Variants in OR1F1 observed in about 807,000 individuals in gnomAD.
OR1F1 encodes the protein olfactory receptor 1F1.
For missense variants in OR1F1, 493 were observed against 376.3 expected (o/e 1.31, Z -2.57); for synonymous variants, 184 against 156.7 (o/e 1.17, Z -1.30).
chr16:3,199,737 G>T (rs1461668996), upstream of OR1F1, among the ~76,000 whole-genome samples: 4 of 152,114 alleles, frequency 2.6e-5, no homozygotes, highest in African/African-American at 4.8e-5. Context: ...GTTATGGCTG[G>T]TTGCAGTGGC....
At chr16:3,204,524 C>T (rs1419706528) in exon 1 of OR1F1, 2 of 1,614,198 alleles carry the variant, frequency 1.2e-6, no homozygotes, top group East Asian at 2.2e-5. Context: ...CAGACCATCT[C>T]CTTCTGTGGC....
chr16:3,190,300 AC>A, the OR1F1 span, among the ~76,000 whole-genome samples: 1 of 152,046 alleles, frequency 6.6e-6, no homozygotes, highest in Non-Finnish European at 1.5e-5. Context: ...GAACCCGGGT[AC>A]CCCGTCCTGA....
At chr16:3,203,020 G>C (rs774554529), upstream of OR1F1, among the ~76,000 whole-genome samples, 3 of 152,154 alleles carry the variant, frequency 2.0e-5, no homozygotes, top group African/African-American at 7.2e-5. Context: ...CATCCCAGCT[G>C]GGTGGGGGAT....
rs1958181186 is a variant in OR1F1 at position 3,204,687 on chromosome 16, A to G, written c.441A>G (p.Gly147=). ...AGCTCTGTGCCCTGCTGGTTGCTGGATTATGGGTGGTTGCCAACCTGAATG... is the reference window on the plus strand; with the variant it reads ...AGCTCTGTGCCCTGCTGGTTGCTGGGTTATGGGTGGTTGCCAACCTGAATG... The change falls in exon 1 of 1, where the codon GGA becomes GGG. Residue 147 remains glycine (G), a synonymous_variant. Coordinates refer to ENST00000304646, the Ensembl canonical transcript of OR1F1. The G allele has an allele frequency of 1.9e-6, 3 of 1,613,984 alleles. No individual in the cohort carries two copies. The South Asian group carries it at 3.3e-5, about 18-fold the overall frequency.
the OR1F1 span, among the ~76,000 whole-genome samples, chr16:3,192,791 G>A: frequency 6.6e-6 from 1 of 150,646 alleles, no homozygotes; most frequent in African/African-American, 2.5e-5. Flanking sequence ...TCGGCCCTGG[G>A]GTGCGGCCCG....
At chr16:3,205,061 C>T (rs763951915) in exon 1 of OR1F1, 8 of 1,614,024 alleles carry the variant, frequency 5.0e-6, no homozygotes, top group South Asian at 4.4e-5. Context: ...GAGAAAGACA[C>T]TATGGCTACT....
the OR1F1 span, among the ~76,000 whole-genome samples, chr16:3,192,850 C>G: frequency 6.6e-6 from 1 of 152,186 alleles, no homozygotes; most frequent in South Asian, 2.1e-4. Flanking sequence ...GAGCTTTTGG[C>G]GGTCCGGTGG....
chr16:3,204,157 T>C, upstream of OR1F1: 9 of 913,194 alleles, frequency 9.9e-6, no homozygotes, highest in Non-Finnish European at 1.5e-5. Flanking sequence ...AAAATTCTAC[T>C]GCCATTCCTG....
chr16:3,204,955 G>C (rs371937248), exon 1 of OR1F1: 13 of 1,613,900 alleles, frequency 8.1e-6, no homozygotes, highest in Non-Finnish European at 1.1e-5. Flanking sequence ...AAGGTGGAAA[G>C]CCTTCTCCAC....
the OR1F1 span, among the ~76,000 whole-genome samples, chr16:3,189,354 C>G: frequency 6.6e-6 from 1 of 152,200 alleles, no homozygotes; most frequent in Non-Finnish European, 1.5e-5. Context: ...CACTGCGCGC[C>G]TCGGAGACGC....
At chr16:3,191,018 C>A in the OR1F1 span, among the ~76,000 whole-genome samples, 1 of 152,172 alleles carries the variant, frequency 6.6e-6, no homozygotes, top group African/African-American at 2.4e-5. Context: ...CAGCTACATG[C>A]ACGTCACAGT....
the OR1F1 span, chr16:3,189,913 A>G: frequency 6.6e-6 from 1 of 151,348 alleles, no homozygotes; most frequent in African/African-American, 2.4e-5. Flanking sequence ...TTGACAAGCT[A>G]TTTTTTTTGT....
At chr16:3,190,945 T>C in the OR1F1 span, among the ~76,000 whole-genome samples, 1 of 152,138 alleles carries the variant, frequency 6.6e-6, no homozygotes, top group Non-Finnish European at 1.5e-5. Flanking sequence ...CCTTTGAACC[T>C]TCTAGATTGA....
At chr16:3,203,493 T>C (rs576864498), upstream of OR1F1, among the ~76,000 whole-genome samples, 47 of 152,276 alleles carry the variant, frequency 3.1e-4, 1 homozygote, top group Admixed American at 7.8e-4. Context: ...TGGCCAGGTG[T>C]GGTGGCTCAC....
At chr16:3,193,831 T>G in the OR1F1 span, among the ~76,000 whole-genome samples, 1 of 152,148 alleles carries the variant, frequency 6.6e-6, no homozygotes, top group Non-Finnish European at 1.5e-5. Flanking sequence ...CTTGAATAAA[T>G]GCCCAAACCA....
chr16:3,191,572 C>A, the OR1F1 span, among the ~76,000 whole-genome samples: 3 of 151,474 alleles, frequency 2.0e-5, no homozygotes, highest in Non-Finnish European at 2.9e-5. Flanking sequence ...CCACGTTGGG[C>A]GACTTGTTTT....
chr16:3,190,913 C>T, the OR1F1 span, among the ~76,000 whole-genome samples: 2 of 152,128 alleles, frequency 1.3e-5, no homozygotes, highest in Non-Finnish European at 2.9e-5. Context: ...TCTTTGACAA[C>T]GGGACCTATG....
chr16:3,202,844 C>T (rs1474822033), upstream of OR1F1, among the ~76,000 whole-genome samples: 4 of 152,034 alleles, frequency 2.6e-5, no homozygotes, highest in Non-Finnish European at 1.5e-5. Flanking sequence ...ATTATTTCTC[C>T]ACTCTATAGA....
upstream of OR1F1, among the ~76,000 whole-genome samples, chr16:3,200,265 G>A (rs1479032529): frequency 6.6e-6 from 1 of 152,070 alleles, no homozygotes; most frequent in Non-Finnish European, 1.5e-5. Context: ...TAGGTTGCAC[G>A]TCTCGTTAGC....
Sources: allele counts gnomAD v4.1 joint callset (sites outside exome capture counted in the v4.1 genomes callset), GRCh38; gene constraint gnomAD v4.1.1; transcripts MANE v1.5; gene names NCBI Gene and HGNC (gene_info 2026-07-23, HGNC 2026-07-21).